Variants in PGBD2 observed in about 807,000 individuals in gnomAD.
The protein encoded by PGBD2 is piggyBac transposable element-derived protein 2.
PGBD2 carries 6 observed loss-of-function variants against 8.1 expected under a neutral mutation model. That is an observed-to-expected ratio of 0.74 (90% CI 0.40 to 1.46). The LOEUF (loss-of-function observed/expected upper bound fraction) is 1.46, where lower values mean the gene tolerates loss of function less well. Ranked by LOEUF, PGBD2 falls within the 40% of genes most tolerant of loss-of-function variation. The probability of loss-of-function intolerance (pLI) is 0.02; values close to 1 mark genes in which losing one functional copy is unlikely to be tolerated. For missense variants in PGBD2, 802 were observed against 739.0 expected (o/e 1.09, Z -0.99); for synonymous variants, 318 against 272.2 (o/e 1.17, Z -1.66).
At chr1:248,883,678 C>A in the PGBD2 span, among the ~76,000 whole-genome samples, 1 of 145,228 alleles carries the variant, frequency 6.9e-6, no homozygotes, top group Non-Finnish European at 1.5e-5. Context: ...CTTACTGCAA[C>A]CTCAGCCTCC....
chr1:248,929,999 G>A, the PGBD2 span, among the ~76,000 whole-genome samples: 1 of 152,186 alleles, frequency 6.6e-6, no homozygotes, highest in Non-Finnish European at 1.5e-5. Flanking sequence ...ACTGACCTGG[G>A]AGATGTGGCT....
chr1:248,925,703 G>A, the PGBD2 span, among the ~76,000 whole-genome samples: 9 of 151,598 alleles, frequency 5.9e-5, no homozygotes, highest in Non-Finnish European at 1.3e-4. Context: ...TGTTTTCTTA[G>A]GATAATAAGG....
At chr1:248,922,353 C>T (rs1487501660), downstream of PGBD2, among the ~76,000 whole-genome samples, 1 of 152,094 alleles carries the variant, frequency 6.6e-6, no homozygotes, top group African/African-American at 2.4e-5. Flanking sequence ...GCCACCGTGC[C>T]CAGCTGAGAA....
chr1:248,884,673 T>C, the PGBD2 span, among the ~76,000 whole-genome samples: 1 of 152,190 alleles, frequency 6.6e-6, no homozygotes, highest in Non-Finnish European at 1.5e-5. Context: ...AAGGTATACA[T>C]TGGTTTGGCC....
the PGBD2 span, among the ~76,000 whole-genome samples, chr1:248,880,876 C>T: frequency 6.6e-6 from 1 of 152,114 alleles, no homozygotes; most frequent in Non-Finnish European, 1.5e-5. Context: ...TCCCAATAAT[C>T]TTAAATGTGT....
At chr1:248,899,085 G>A in the PGBD2 span, among the ~76,000 whole-genome samples, 8 of 151,958 alleles carry the variant, frequency 5.3e-5, no homozygotes, top group African/African-American at 1.9e-4. Flanking sequence ...CCAATACTGG[G>A]GCACCCACAT....
downstream of PGBD2, among the ~76,000 whole-genome samples, chr1:248,924,230 G>C (rs74820864): frequency 6.6e-6 from 1 of 152,224 alleles, no homozygotes; most frequent in African/African-American, 2.4e-5. Flanking sequence ...AGTTGATGGA[G>C]TTCTTTCTTA....
upstream of PGBD2, among the ~76,000 whole-genome samples, chr1:248,902,667 TA>T (rs1661555387): frequency 6.6e-6 from 1 of 152,186 alleles, no homozygotes; most frequent in Admixed American, 6.5e-5. Flanking sequence ...TATGTAGCAA[TA>T]AAAAGGATTG....
chr1:248,885,017 C>G, the PGBD2 span, among the ~76,000 whole-genome samples: 2 of 152,028 alleles, frequency 1.3e-5, no homozygotes, highest in Admixed American at 1.3e-4. Context: ...TGAGGTGTAT[C>G]CTACTTCCCA....
At chr1:248,930,106 T>G in the PGBD2 span, among the ~76,000 whole-genome samples, 1 of 152,218 alleles carries the variant, frequency 6.6e-6, no homozygotes, top group East Asian at 1.9e-4. Flanking sequence ...CATGTTACAT[T>G]CTACAGGTCT....
At chr1:248,915,581 C>T (rs1000145049) in intron 2 of PGBD2, among the ~76,000 whole-genome samples, 3 of 152,178 alleles carry the variant, frequency 2.0e-5, no homozygotes, top group South Asian at 2.1e-4. Flanking sequence ...ATTTTTAACT[C>T]ATGATGGGTT....
upstream of PGBD2, among the ~76,000 whole-genome samples, chr1:248,905,895 C>T (rs75151640): frequency 0.062 from 9,485 of 152,246 alleles, 488 homozygotes; most frequent in East Asian, 0.19. Context: ...AGTGGGGTCC[C>T]AAGATTTGCA....
At chr1:248,922,619 G>A (rs1662310490), downstream of PGBD2, among the ~76,000 whole-genome samples, 1 of 152,158 alleles carries the variant, frequency 6.6e-6, no homozygotes, top group Non-Finnish European at 1.5e-5. Flanking sequence ...TTATTATTTT[G>A]AGATACATTC....
At chr1:248,927,244 G>C in the PGBD2 span, among the ~76,000 whole-genome samples, 1 of 152,176 alleles carries the variant, frequency 6.6e-6, no homozygotes, top group Non-Finnish European at 1.5e-5. Flanking sequence ...GAGAGGCAGA[G>C]GGAGAGCATG....
At chr1:248,922,334 CAG>C (rs1048208220), downstream of PGBD2, among the ~76,000 whole-genome samples, 14 of 152,176 alleles carry the variant, frequency 9.2e-5, no homozygotes, top group Non-Finnish European at 1.8e-4. Context: ...GCTGGGATTA[CAG>C]ACGTGAGCCA....
the PGBD2 span, among the ~76,000 whole-genome samples, chr1:248,875,124 C>G: frequency 2.6e-5 from 4 of 151,670 alleles, no homozygotes; most frequent in East Asian, 7.8e-4. Flanking sequence ...GGTGAAACCC[C>G]GTCTCTACTA....
chr1:248,923,762 A>G (rs1452623068), downstream of PGBD2, among the ~76,000 whole-genome samples: 1 of 152,204 alleles, frequency 6.6e-6, no homozygotes, highest in Non-Finnish European at 1.5e-5. Context: ...AGGACTTTGC[A>G]TAGGGCACGG....
Position 248,916,885 on chromosome 1 carries a change from A to G in PGBD2, c.301A>G (p.Arg101Gly), listed in dbSNP as rs755603238. The G allele has an allele frequency of 6.2e-7, 1 of 1,613,960 alleles. No individual in the cohort carries two copies. The highest frequency in any genetic ancestry group is 1.7e-5 in the Admixed American group (1 of 60,002). The change falls in exon 3 of 3, where the codon AGG becomes GGG. Residue 101 changes from arginine (R) to glycine (G), a missense_variant. Transcript: ENST00000329291. ...CCTGGAGCTGCAGCCAGCCAAGAAG[A>G]GGCAGAAAGCAGTTGTGAAACCTCA... ...DDLELQPAKK[R>G]QKAVVKPQRI...
chr1:248,873,841 C>G, the PGBD2 span, among the ~76,000 whole-genome samples: 16 of 152,336 alleles, frequency 1.1e-4, no homozygotes, highest in Admixed American at 7.2e-4. Context: ...GTGAGAAGCG[C>G]TCTGCTTCCG....
Sources: gnomAD v4.1 joint callset for allele counts (sites outside exome capture counted in the v4.1 genomes callset) on GRCh38, gnomAD v4.1.1 for gene constraint, MANE v1.5 for transcripts, NCBI Gene and HGNC (gene_info 2026-07-23, HGNC 2026-07-21) for gene names.